The following FAM3B variants were observed in gnomAD, a reference collection of about 807,000 sequenced individuals.
FAM3B encodes the protein FAM3 metabolism regulating signaling molecule B.
In FAM3B, 29 loss-of-function variants were observed where a neutral mutation model predicts 28.4. That is an observed-to-expected ratio of 1.02 (90% confidence interval 0.76 to 1.39). The LOEUF is 1.39. Among genes scored for constraint, FAM3B ranks in the 40% most tolerant of loss-of-function variants. The pLI, the probability that FAM3B is intolerant of heterozygous loss-of-function variation, is 0.00. For missense variants in FAM3B, 266 were observed against 293.9 expected (o/e 0.91, Z 0.69); for synonymous variants, 91 against 103.0 (o/e 0.88, Z 0.71).
intron 2 of FAM3B, among the ~76,000 whole-genome samples, chr21:41,333,543 C>CTTA (rs2088926261): frequency 6.6e-6 from 1 of 152,220 alleles, no homozygotes; most frequent in Non-Finnish European, 1.5e-5. Context: ...TTTCCTGGGG[C>CTTA]CTCCCCAGAA....
chr21:41,345,563 T>G lies in FAM3B; in HGVS notation c.347-123T>G. 6.7e-6 allele frequency: 4 copies of G among 594,392 alleles called. No homozygotes were observed. The South Asian group carries it at 9.1e-5, about 13-fold the overall frequency. The allele number at this position is 594,392 out of a possible 1,614,324, so 36.8% of individuals were successfully genotyped here. Reference sequence around the variant, plus strand: ...GCCCTGTCTCTGCAGGCTGGGTCATTACATCAGTGGTGTTTGCTGGAGATA... The same window carrying G: ...GCCCTGTCTCTGCAGGCTGGGTCATGACATCAGTGGTGTTTGCTGGAGATA... On this transcript the variant is annotated intron_variant, in intron 4 of 7. Coordinates refer to ENST00000357985, the MANE Select transcript of FAM3B (RefSeq NM_058186.4).
At chr21:41,306,337 A>G (rs2088683043) in intron 1 of FAM3B, among the ~76,000 whole-genome samples, 1 of 152,214 alleles carries the variant, frequency 6.6e-6, no homozygotes, top group Admixed American at 6.5e-5. Context: ...ATGAATCACA[A>G]ATGTTCTTAA....
intron 1 of FAM3B, among the ~76,000 whole-genome samples, chr21:41,321,889 C>T (rs2088810079): frequency 1.3e-5 from 2 of 152,118 alleles, no homozygotes. Context: ...ACTTGACATT[C>T]CCTTCTCTTC....
chr21:41,318,506 G>A (rs77166660), intron 1 of FAM3B, among the ~76,000 whole-genome samples: 4,758 of 152,254 alleles, frequency 0.031, 228 homozygotes, highest in African/African-American at 0.11. Flanking sequence ...GCCCTTCCTA[G>A]CCCTTCTGCC....
In FAM3B at chr21:41,348,591, G is replaced by A. The variant is rs1186064137; in HGVS notation, c.486-1G>A. ...CACATGCTTTTCCCTTTGTCCTGCA[G>A]ACTGAATAACGATGCCAAGAATGCC... is the stretch of plus-strand genomic sequence containing the variant. On this transcript the variant is annotated splice_acceptor_variant, in intron 6 of 7. Transcript: ENST00000357985. LOFTEE classifies it high-confidence loss of function. 1 of 1,614,208 alleles carries A rather than the reference G, an allele frequency of 6.2e-7. No homozygotes were observed. The highest frequency in any genetic ancestry group is 1.1e-5 in the South Asian group (1 of 91,086).
In FAM3B at chr21:41,338,407, C is replaced by A; in HGVS notation, c.193C>A (p.His65Asn). 6.2e-7 allele frequency: 1 copy of A among 1,614,170 alleles called. No individual in the cohort carries two copies. Among genetic ancestry groups the A allele is most frequent in the Non-Finnish European group, 8.5e-7 (1 of 1,180,030 alleles). The change falls in exon 3 of 8, where the codon CAC becomes AAC. Residue 65 changes from histidine to asparagine, a missense_variant. By Grantham distance (68) the His-to-Asn change is moderately conservative. Transcript: ENST00000357985. ...AGTCCCCAAAAGGCAAAAATGTGACCACTGGACTCCCTGCCCATCTGACAC... is the reference window on the plus strand; with the variant it reads ...AGTCCCCAAAAGGCAAAAATGTGACAACTGGACTCCCTGCCCATCTGACAC... ...APVPKRQKCD[H>N]WTPCPSDTYA...
intron 2 of FAM3B, among the ~76,000 whole-genome samples, chr21:41,323,937 G>A (rs771074199): frequency 1.3e-5 from 2 of 152,142 alleles, no homozygotes; most frequent in Non-Finnish European, 2.9e-5. Context: ...TGACAGTGTT[G>A]GAGGCTGGGA....
chr21:41,331,798 A>G (rs957422052), intron 2 of FAM3B, among the ~76,000 whole-genome samples: 12 of 152,180 alleles, frequency 7.9e-5, no homozygotes, highest in African/African-American at 2.7e-4. Context: ...AAGGATTTCA[A>G]TTTTGTCAAA....
intron 3 of FAM3B, among the ~76,000 whole-genome samples, chr21:41,340,592 C>A (rs28451078): frequency 0.068 from 10,380 of 152,226 alleles, 419 homozygotes; most frequent in African/African-American, 0.1. Context: ...TGAGAGGTAA[C>A]AAACATTCAA....
intron 2 of FAM3B, among the ~76,000 whole-genome samples, chr21:41,331,298 T>A (rs2088904020): frequency 6.6e-6 from 1 of 152,246 alleles, no homozygotes; most frequent in Non-Finnish European, 1.5e-5. Context: ...TGTTTTCTTG[T>A]TATTGGTTCT....
intron 1 of FAM3B, among the ~76,000 whole-genome samples, chr21:41,318,730 A>G (rs930042202): frequency 3.3e-5 from 5 of 152,220 alleles, no homozygotes; most frequent in Non-Finnish European, 5.9e-5. Context: ...GTCCTCGTTC[A>G]GGTTGAAGGA....
intron 1 of FAM3B, among the ~76,000 whole-genome samples, chr21:41,306,739 A>G (rs150481051): frequency 6.6e-4 from 100 of 152,296 alleles, no homozygotes; most frequent in African/African-American, 1.8e-3. Flanking sequence ...CAGACAGTAG[A>G]TGTAGCATAC....
chr21:41,353,124 T>G (rs1017299400), intron 7 of FAM3B, among the ~76,000 whole-genome samples: 2 of 152,156 alleles, frequency 1.3e-5, no homozygotes, highest in Non-Finnish European at 2.9e-5. Context: ...GATGCAAGAC[T>G]AATACACTGA....
At chr21:41,306,362 C>A (rs905193862) in intron 1 of FAM3B, among the ~76,000 whole-genome samples, 3 of 152,204 alleles carry the variant, frequency 2.0e-5, no homozygotes, top group Non-Finnish European at 4.4e-5. Context: ...GTCTTCAATG[C>A]AGAATCCCTT....
chr21:41,348,759 G>A (rs368346048), intron 7 of FAM3B, 35 bp downstream of exon 7: 11 of 1,613,576 alleles, frequency 6.8e-6, no homozygotes, highest in East Asian at 2.2e-5. Flanking sequence ...CCCACCAATG[G>A]TGAGTATAGT....
chr21:41,323,967 C>T (rs1038787874), intron 2 of FAM3B, among the ~76,000 whole-genome samples: 3 of 152,198 alleles, frequency 2.0e-5, no homozygotes, highest in East Asian at 1.9e-4. Flanking sequence ...TCAAGGTACC[C>T]GCAGATTTCA....
intron 2 of FAM3B, among the ~76,000 whole-genome samples, chr21:41,334,532 G>A (rs911171633): frequency 1.1e-4 from 16 of 152,134 alleles, no homozygotes; most frequent in African/African-American, 3.6e-4. Flanking sequence ...AGCCTGGGGG[G>A]TATTCACATG....
chr21:41,349,527 A>G (rs1224271631), intron 7 of FAM3B, among the ~76,000 whole-genome samples: 2 of 152,194 alleles, frequency 1.3e-5, no homozygotes, highest in African/African-American at 4.8e-5. Flanking sequence ...AGAGATTTCT[A>G]CATCTCCAGG....
intron 3 of FAM3B, 129 bp from the exon 4 acceptor site, chr21:41,344,347 C>T (rs1024914686): frequency 2.2e-5 from 17 of 788,370 alleles, no homozygotes; most frequent in Admixed American, 1.5e-4. Flanking sequence ...TGCACCAAGG[C>T]GAATGCAGAC....
Sources: gnomAD v4.1 joint callset for allele counts (sites outside exome capture counted in the v4.1 genomes callset) on GRCh38, gnomAD v4.1.1 for gene constraint, MANE v1.5 for transcripts, NCBI Gene and HGNC (gene_info 2026-07-23, HGNC 2026-07-21) for gene names.